Variants in CRADD observed in about 807,000 individuals in gnomAD.
The protein encoded by CRADD is CARD and death domain containing adaptor protein.
CRADD carries 9 observed loss-of-function variants against 15.5 expected under a neutral mutation model. That is an observed-to-expected ratio of 0.58 (90% CI 0.35 to 1.01). The LOEUF (loss-of-function observed/expected upper bound fraction) is 1.01. CRADD is among the 50% of genes least tolerant of loss of function. CRADD has a pLI of 0.02. For synonymous variants in CRADD, 118 were observed against 107.6 expected, an observed-to-expected ratio of 1.10 and a Z score of -0.60; for missense variants, 227 against 250.3, an observed-to-expected ratio of 0.91 and a Z score of 0.63.
intron 2 of CRADD, among the ~76,000 whole-genome samples, chr12:93,749,863 G>A (rs571446643): frequency 1.3e-5 from 2 of 152,078 alleles, no homozygotes; most frequent in Non-Finnish European, 2.9e-5. Context: ...TCCGTTAGGG[G>A]CATTTTCTCT....
intron 2 of CRADD, among the ~76,000 whole-genome samples, chr12:93,685,318 G>A (rs1955405068): frequency 6.6e-6 from 1 of 152,156 alleles, no homozygotes; most frequent in Non-Finnish European, 1.5e-5. Flanking sequence ...TTGGTTAATG[G>A]ATACAAAATT....
rs546799967 is a variant in CRADD at position 93,782,054 on chromosome 12, A to T, written c.299-67916A>T. The stretch of plus-strand genomic sequence containing the variant: ...AAGACACATGCACACGTATGTTTAT[A>T]GCGGCACTATTCACAATAGCAAAGA... On this transcript the variant is annotated intron_variant, in intron 2 of 2. Coordinates refer to ENST00000332896, the MANE Select transcript of CRADD (RefSeq NM_003805.5). Among the ~76,000 whole-genome samples the T allele has an allele frequency of 1.7e-3, 255 of 151,680 alleles. 1 individual carries two copies. The highest frequency in any genetic ancestry group is 5.2e-3 in the South Asian group (25 of 4,764).
chr12:93,851,270 T>G (rs536003245), downstream of CRADD, among the ~76,000 whole-genome samples: 1 of 152,302 alleles, frequency 6.6e-6, no homozygotes, highest in African/African-American at 2.4e-5. Flanking sequence ...GTACAGAGAT[T>G]GAGTGATTGG....
intron 2 of CRADD, among the ~76,000 whole-genome samples, chr12:93,839,378 G>A (rs912032495): frequency 5.3e-5 from 8 of 152,180 alleles, no homozygotes; most frequent in African/African-American, 1.9e-4. Flanking sequence ...TGGATTATAA[G>A]ATATACGTGT....
At chr12:93,825,197 C>T (rs1035419392) in intron 2 of CRADD, among the ~76,000 whole-genome samples, 1 of 152,194 alleles carries the variant, frequency 6.6e-6, no homozygotes, top group South Asian at 2.1e-4. Flanking sequence ...TGAACTAGCC[C>T]GAAATTACTG....
chr12:93,872,275 A>G (rs1659951060), intron 2 of CRADD, among the ~76,000 whole-genome samples: 2 of 152,026 alleles, frequency 1.3e-5, no homozygotes, highest in South Asian at 4.1e-4. Context: ...TTTTTCCTAT[A>G]GAGTTGGAAT....
At chr12:93,773,352 C>T (rs747332371) in intron 2 of CRADD, among the ~76,000 whole-genome samples, 5 of 152,072 alleles carry the variant, frequency 3.3e-5, no homozygotes, top group Admixed American at 6.5e-5. Flanking sequence ...CTGGTGGTGA[C>T]GAATGAGTCT....
intron 2 of CRADD, among the ~76,000 whole-genome samples, chr12:93,782,606 A>AAAG (rs1957224256): frequency 4.6e-5 from 7 of 152,104 alleles, no homozygotes; most frequent in Admixed American, 4.6e-4. Context: ...AAAAAAAAAA[A>AAAG]AAAAGACTTA....
At chr12:93,731,851 A>G (rs909982344) in intron 2 of CRADD, among the ~76,000 whole-genome samples, 17 of 152,108 alleles carry the variant, frequency 1.1e-4, no homozygotes, top group African/African-American at 3.9e-4. Context: ...AAACAGTGAA[A>G]TCTGGCCGAG....
chr12:93,869,423 A>G (rs1206071216), intron 2 of CRADD, among the ~76,000 whole-genome samples: 2 of 152,224 alleles, frequency 1.3e-5, no homozygotes, highest in African/African-American at 4.8e-5. Flanking sequence ...GAGAAACTCC[A>G]GAAAATAAAA....
intron 2 of CRADD, among the ~76,000 whole-genome samples, chr12:93,787,305 G>GTTTTTTTTTTTTTTTTTTTTTT: frequency 8.0e-6 from 1 of 124,744 alleles, no homozygotes; most frequent in African/African-American, 3.4e-5. Flanking sequence ...GTATGACAGG[G>GTTTTTTTTTTTTTTTTTTTTTT]TTTTTTTTTT....
intron 2 of CRADD, among the ~76,000 whole-genome samples, chr12:93,707,121 C>T (rs1429241101): frequency 1.3e-5 from 2 of 152,192 alleles, no homozygotes; most frequent in Admixed American, 1.3e-4. Context: ...GATCAAATCT[C>T]TGGGCAAAGC....
chr12:93,692,975 A>G (rs565821585), intron 2 of CRADD, among the ~76,000 whole-genome samples: 1 of 152,194 alleles, frequency 6.6e-6, no homozygotes, highest in Non-Finnish European at 1.5e-5. Context: ...GGTGGAGTAA[A>G]GTGTAGAATT....
intron 2 of CRADD, among the ~76,000 whole-genome samples, chr12:93,704,274 T>G (rs1955900158): frequency 6.6e-6 from 1 of 152,208 alleles, no homozygotes; most frequent in Admixed American, 6.5e-5. Flanking sequence ...CAGTTAAACT[T>G]CTTTGGTTAA....
intron 2 of CRADD, among the ~76,000 whole-genome samples, chr12:93,794,122 C>T (rs1592995931): frequency 6.6e-6 from 1 of 152,278 alleles, no homozygotes; most frequent in East Asian, 1.9e-4. Flanking sequence ...CTTTTATTGG[C>T]TCATGTGCAC....
At chr12:93,701,248 C>T (rs890967788) in intron 2 of CRADD, among the ~76,000 whole-genome samples, 1 of 151,724 alleles carries the variant, frequency 6.6e-6, no homozygotes, top group Non-Finnish European at 1.5e-5. Context: ...CCCTTCTCCT[C>T]CTCTTCCTCC....
At chr12:93,819,448 T>C (rs1957744871) in intron 2 of CRADD, among the ~76,000 whole-genome samples, 1 of 152,190 alleles carries the variant, frequency 6.6e-6, no homozygotes, top group African/African-American at 2.4e-5. Context: ...TAATGTGTGG[T>C]GGTTAAAGGC....
At chr12:93,779,244 G>C (rs532849878) in intron 2 of CRADD, among the ~76,000 whole-genome samples, 2 of 152,208 alleles carry the variant, frequency 1.3e-5, no homozygotes, top group African/African-American at 2.4e-5. Flanking sequence ...ACAGATTGAG[G>C]AGGCAATGAG....
chr12:93,852,341 A>G (rs1216565202), downstream of CRADD, among the ~76,000 whole-genome samples: 1 of 152,248 alleles, frequency 6.6e-6, no homozygotes, highest in Non-Finnish European at 1.5e-5. Flanking sequence ...TCTTTCCGCC[A>G]TTCACCATTT....
Sources: gnomAD v4.1 joint callset for allele counts (sites outside exome capture counted in the v4.1 genomes callset) on GRCh38, gnomAD v4.1.1 for gene constraint, MANE v1.5 for transcripts, NCBI Gene and HGNC (gene_info 2026-07-23, HGNC 2026-07-21) for gene names.